CHD1: variants seen among roughly 807,000 people sequenced by gnomAD.
The protein encoded by CHD1 is chromodomain helicase DNA binding protein 1.
A neutral mutation model predicts 224.2 loss-of-function variants in CHD1; 36 were observed. That is an observed-to-expected ratio of 0.16 (90% CI 0.12 to 0.21). CHD1 has a LOEUF of 0.21. CHD1 is among the 10% of genes least tolerant of loss of function. The pLI is 1.00. For missense variants in CHD1, 1,378 were observed against 1,994.8 expected (o/e 0.69, Z 5.89); for synonymous variants, 668 against 658.3 (o/e 1.01, Z -0.23).
At position 98,890,428 on chromosome 5, in the gene CHD1, C is replaced by T. The variant is rs1278293115; in HGVS notation, c.2181-1190G>A. On this transcript the variant is annotated intron_variant, in intron 15 of 35. Transcript: ENST00000614616. ...AGAATAAAGAATATTTTTCCTTATCCAGAAAAAATTTATTATTAATTTCTC... is the reference window on the plus strand; with the variant it reads ...AGAATAAAGAATATTTTTCCTTATCTAGAAAAAATTTATTATTAATTTCTC... 2.6e-5 allele frequency among the ~76,000 whole-genome samples: 4 copies of T among 151,954 alleles called. No homozygotes were observed. In the East Asian group the frequency reaches 7.7e-4, roughly 29 times the overall value.
At chr5:98,860,237 A>G (rs980197258) in intron 32 of CHD1, 169 bp from the exon 33 acceptor site, 1 of 610,582 alleles carries the variant, frequency 1.6e-6, no homozygotes, top group African/African-American at 1.8e-5. Flanking sequence ...AAAACTTCAT[A>G]TATGACTAAG....
intron 2 of CHD1, 92 bp from the exon 3 acceptor site, chr5:98,905,190 T>G: frequency 2.1e-6 from 3 of 1,424,108 alleles, no homozygotes; most frequent in Non-Finnish European, 2.9e-6. Flanking sequence ...CATTAAATTT[T>G]ACTTCATACT....
chr5:98,863,953 A>C (rs1242316938), intron 31 of CHD1, among the ~76,000 whole-genome samples: 1 of 152,212 alleles, frequency 6.6e-6, no homozygotes. Context: ...ATACCCTACT[A>C]TCCACTAAAT....
At chr5:98,920,796 C>CA (rs1232499151) in intron 2 of CHD1, among the ~76,000 whole-genome samples, 1,671 of 82,096 alleles carry the variant, frequency 0.02, 21 homozygotes, top group African/African-American at 0.048. Flanking sequence ...GACGCCGTCT[C>CA]AAAAAAAAAA....
At chr5:98,911,144 AAAATATAT>A (rs1215714566) in intron 2 of CHD1, among the ~76,000 whole-genome samples, 114 of 73,732 alleles carry the variant, frequency 1.5e-3, no homozygotes, top group African/African-American at 7.1e-3. Flanking sequence ...AAAAAAAAAA[AAAATATAT>A]ATATATATAT....
intron 35 of CHD1, 48 bp downstream of exon 35, chr5:98,858,132 G>A (rs373921982): frequency 5.7e-5 from 83 of 1,443,976 alleles, no homozygotes; most frequent in Non-Finnish European, 7.7e-5. Flanking sequence ...TCATGATAAG[G>A]AGAAAAACAT....
chr5:98,892,781 T>C (rs904307355), intron 14 of CHD1, 68 bp from the exon 15 acceptor site: 1 of 1,051,260 alleles, frequency 9.5e-7, no homozygotes, highest in Non-Finnish European at 1.3e-6. Context: ...GTATGAACTT[T>C]TTTTTTTAGG....
chr5:98,871,345 T>G (rs1749315776), intron 28 of CHD1, among the ~76,000 whole-genome samples: 1 of 121,532 alleles, frequency 8.2e-6, no homozygotes, highest in South Asian at 2.6e-4. Context: ...ATAAGGAAGT[T>G]CTCCCAGTGT....
At chr5:98,858,941 C>A in intron 34 of CHD1, 23 bp downstream of exon 34, 1 of 1,469,956 alleles carries the variant, frequency 6.8e-7, no homozygotes, top group South Asian at 1.5e-5. Flanking sequence ...AATTTATTTT[C>A]CCAATCAGTA....
intron 33 of CHD1, among the ~76,000 whole-genome samples, chr5:98,859,648 G>A (rs1748315038): frequency 6.6e-6 from 1 of 152,108 alleles, no homozygotes; most frequent in African/African-American, 2.4e-5. Flanking sequence ...GGTTCATGAT[G>A]CTGATATGTC....
intron 2 of CHD1, among the ~76,000 whole-genome samples, chr5:98,911,176 T>G (rs201878079): frequency 1.6e-3 from 198 of 122,962 alleles, no homozygotes; most frequent in African/African-American, 4.5e-3. Flanking sequence ...TATATATATA[T>G]AGAGGCATGT....
intron 2 of CHD1, among the ~76,000 whole-genome samples, chr5:98,911,138 A>ATAT (rs1477381065): frequency 1.2e-5 from 1 of 84,166 alleles, no homozygotes. Context: ...ATGAAAAAAA[A>ATAT]AAAAAAAAAT....
intron 8 of CHD1, 116 bp downstream of exon 8, chr5:98,899,364 T>C (rs1215046888): frequency 8.7e-6 from 6 of 693,002 alleles, no homozygotes; most frequent in East Asian, 8.2e-5. Flanking sequence ...AACTGTATTA[T>C]AAAGTCTATA....
intron 22 of CHD1, among the ~76,000 whole-genome samples, 184 bp downstream of exon 22, chr5:98,880,884 GTAACTTCA>G (rs1231331161): frequency 6.6e-6 from 1 of 152,216 alleles, no homozygotes; most frequent in East Asian, 1.9e-4. Flanking sequence ...CCAACTAAAT[GTAACTTCA>G]TAAATGGGTT....
intron 2 of CHD1, among the ~76,000 whole-genome samples, chr5:98,923,418 ATTT>A (rs5869836): frequency 6.9e-5 from 10 of 145,932 alleles, no homozygotes; most frequent in African/African-American, 7.6e-5. Context: ...GCAAGGTTTA[ATTT>A]TTTTTTTTTT....
intron 15 of CHD1, among the ~76,000 whole-genome samples, chr5:98,892,014 A>G (rs1751051317): frequency 6.6e-6 from 1 of 152,230 alleles, no homozygotes; most frequent in African/African-American, 2.4e-5. Context: ...GCATGTAGCA[A>G]TATATTTCCT....
chr5:98,926,593 C>T (rs936597255), intron 1 of CHD1, 59 bp from the exon 2 acceptor site: 1 of 364,598 alleles, frequency 2.7e-6, no homozygotes. Context: ...GTAAATTAAG[C>T]CCTGTCTAAA....
chr5:98,880,893 T>C (rs1486466849), intron 22 of CHD1, among the ~76,000 whole-genome samples, 183 bp downstream of exon 22: 4 of 152,244 alleles, frequency 2.6e-5, no homozygotes, highest in African/African-American at 9.6e-5. Flanking sequence ...TGTAACTTCA[T>C]AAATGGGTTT....
chr5:98,864,506 T>G (rs1043909884), intron 31 of CHD1, among the ~76,000 whole-genome samples: 12 of 123,884 alleles, frequency 9.7e-5, no homozygotes, highest in Non-Finnish European at 1.8e-4. Context: ...AGTGAGATCC[T>G]GATTCTATAC....
Sources: allele counts gnomAD v4.1 joint callset (sites outside exome capture counted in the v4.1 genomes callset), GRCh38; gene constraint gnomAD v4.1.1; transcripts MANE v1.5; gene names NCBI Gene and HGNC (gene_info 2026-07-23, HGNC 2026-07-21).